The following MALRD1 variants were observed in gnomAD, a reference collection of about 807,000 sequenced individuals.
MALRD1 encodes MAM and LDL receptor class A domain containing 1, also known as MAM and LDL-receptor class A domain-containing protein 1.
MALRD1 carries 247 observed loss-of-function variants against 242.1 expected under a neutral mutation model. That is an observed-to-expected ratio of 1.02 (90% CI 0.92 to 1.13). MALRD1 has a LOEUF of 1.13. Ranked by LOEUF, MALRD1 falls within the 50% of genes most tolerant of loss-of-function variation. The probability of loss-of-function intolerance (pLI) is 0.00; values close to 1 mark genes in which losing one functional copy is unlikely to be tolerated. For missense variants in MALRD1, 2,989 were observed against 2,533.1 expected, an observed-to-expected ratio of 1.18 and a Z score of -3.86; for synonymous variants, 995 against 866.6, an observed-to-expected ratio of 1.15 and a Z score of -2.60.
intron 26 of MALRD1, among the ~76,000 whole-genome samples, chr10:19,352,977 G>C (rs1453614200): frequency 3.3e-5 from 5 of 152,030 alleles, no homozygotes; most frequent in Non-Finnish European, 7.4e-5. Context: ...AATTTTCTTA[G>C]CCAGTGATAT....
intron 31 of MALRD1, among the ~76,000 whole-genome samples, chr10:19,530,198 A>G (rs1293207057): frequency 2.0e-5 from 3 of 150,884 alleles, no homozygotes; most frequent in African/African-American, 7.3e-5. Flanking sequence ...TGGGAGAGGT[A>G]TGAGGACACA....
At chr10:19,070,495 C>T (rs1327301620) in intron 2 of MALRD1, among the ~76,000 whole-genome samples, 1 of 152,020 alleles carries the variant, frequency 6.6e-6, no homozygotes, top group Non-Finnish European at 1.5e-5. Context: ...TCAGGGATTG[C>T]CTGCATTGTA....
chr10:19,331,688 C>T, intron 24 of MALRD1, 106 bp downstream of exon 24: 1 of 841,062 alleles, frequency 1.2e-6, no homozygotes, highest in Non-Finnish European at 1.9e-6. Context: ...ATCTCAACAC[C>T]AGGGGAAGGT....
In MALRD1 at chr10:19,341,524, G is replaced by GTA. The variant is rs750457234; in HGVS notation, c.3902-6238_3902-6237dup. ...TATGTATATATATGTGTGTATATAT[G>GTA]TATATATATACACACATATATATAC... is the stretch of plus-strand genomic sequence containing the variant. On this transcript the variant is annotated intron_variant, in intron 24 of 39. Transcript: ENST00000454679. 1.7e-4 allele frequency among the ~76,000 whole-genome samples: 24 copies of GTA among 138,854 alleles called. 1 individual carries two copies. Among genetic ancestry groups the GTA allele is most frequent in the South Asian group, 2.3e-4 (1 of 4,420 alleles). 91.1% of individuals were successfully genotyped at this position (138,854 alleles called of 152,430 possible). A position where few individuals can be genotyped will look rare whatever the true frequency, so the allele number is the denominator to read the frequency against.
intron 24 of MALRD1, among the ~76,000 whole-genome samples, chr10:19,334,005 G>T (rs557180190): frequency 6.6e-6 from 1 of 151,178 alleles, no homozygotes; most frequent in African/African-American, 2.4e-5. Context: ...TTTTTTGATT[G>T]CTGAATTGAC....
At chr10:19,239,191 T>A (rs1430457101) in intron 18 of MALRD1, among the ~76,000 whole-genome samples, 1 of 152,000 alleles carries the variant, frequency 6.6e-6, no homozygotes, top group African/African-American at 2.4e-5. Flanking sequence ...GCTGAGTAGC[T>A]GGGGTTACAG....
intron 28 of MALRD1, among the ~76,000 whole-genome samples, chr10:19,444,593 C>G (rs1049709950): frequency 1.3e-5 from 2 of 152,064 alleles, no homozygotes; most frequent in African/African-American, 4.8e-5. Flanking sequence ...ATATGAAATT[C>G]TGGGTTGAAA....
intron 29 of MALRD1, among the ~76,000 whole-genome samples, chr10:19,452,401 T>C (rs1212544115): frequency 6.6e-6 from 1 of 152,236 alleles, no homozygotes; most frequent in East Asian, 1.9e-4. Context: ...TTTAATATCT[T>C]ACGTTTAGTG....
At chr10:19,719,519 G>A (rs73597606) in intron 38 of MALRD1, among the ~76,000 whole-genome samples, 1,795 of 152,012 alleles carry the variant, frequency 0.012, 34 homozygotes, top group African/African-American at 0.041. Flanking sequence ...TTTGTGGTCA[G>A]CATATTTACT....
At chr10:19,154,867 T>G (rs1158865693) in intron 11 of MALRD1, among the ~76,000 whole-genome samples, 1 of 152,232 alleles carries the variant, frequency 6.6e-6, no homozygotes, top group East Asian at 1.9e-4. Context: ...AAGAGCTTGT[T>G]TTAATTGATT....
At chr10:19,688,986 G>T (rs1842710843) in intron 36 of MALRD1, among the ~76,000 whole-genome samples, 1 of 152,168 alleles carries the variant, frequency 6.6e-6, no homozygotes, top group African/African-American at 2.4e-5. Flanking sequence ...ATACACTGGG[G>T]TGAAGAGGAA....
intron 38 of MALRD1, among the ~76,000 whole-genome samples, chr10:19,698,687 AC>A: frequency 6.6e-6 from 1 of 152,188 alleles, no homozygotes; most frequent in Non-Finnish European, 1.5e-5. Context: ...TGCCTAGAAA[AC>A]AGGTGCAAAA....
At chr10:19,140,526 G>GGGGGGTGT (rs1554796538) in intron 10 of MALRD1, among the ~76,000 whole-genome samples, 1 of 111,504 alleles carries the variant, frequency 9.0e-6, no homozygotes, top group Non-Finnish European at 2.0e-5. Context: ...AAACAAGTGG[G>GGGGGGTGT]GTGTGTGTGT....
rs1347683679 is a variant in MALRD1 at position 19,324,145 on chromosome 10, A to T, written c.3576+40A>T. On this transcript the variant is annotated intron_variant, in intron 22 of 39. Transcript: ENST00000454679. The stretch of plus-strand genomic sequence containing the variant: ...ATCACATTTTCTGAATTTTCTCTCT[A>T]AAAGTTCACAGTGCATAATTTGGTA... The T allele has an allele frequency of 3.3e-6, 5 of 1,529,920 alleles. No individual in the cohort carries two copies. In the East Asian group the frequency reaches 1.2e-4, roughly 38 times the overall value. 94.8% of individuals were successfully genotyped at this position (1,529,920 alleles called of 1,614,324 possible). A position where few individuals can be genotyped will look rare whatever the true frequency, so the allele number is the denominator to read the frequency against.
chr10:19,466,905 C>T (rs569517256), intron 29 of MALRD1, among the ~76,000 whole-genome samples: 8 of 152,138 alleles, frequency 5.3e-5, no homozygotes, highest in East Asian at 3.9e-4. Context: ...GTCATAACTC[C>T]GTGCTGAAAA....
In MALRD1 at chr10:19,376,542, C is replaced by CATTTT. The variant is rs1554842468; in HGVS notation, c.4442-10986_4442-10985insATTTT. On this transcript the variant is annotated intron_variant, in intron 26 of 39. Coordinates refer to ENST00000454679, the MANE Select transcript of MALRD1 (RefSeq NM_001142308.3). The stretch of plus-strand genomic sequence containing the variant: ...TTGAAAGTCAAGGAGTTGATACATT[C>CATTTT]TTTTTTTTTTTTTTTTTTTTTTTTT... Among the ~76,000 whole-genome samples the CATTTT allele has an allele frequency of 6.6e-4, 63 of 94,988 alleles. 14 individuals are homozygous for CATTTT. Among genetic ancestry groups the CATTTT allele is most frequent in the African/African-American group, 1.3e-3 (33 of 25,270 alleles). 62.3% of individuals were successfully genotyped at this position (94,988 alleles called of 152,430 possible). A position where few individuals can be genotyped will look rare whatever the true frequency, so the allele number is the denominator to read the frequency against.
At chr10:19,340,550 CT>C (rs1190480028) in intron 24 of MALRD1, among the ~76,000 whole-genome samples, 1 of 152,000 alleles carries the variant, frequency 6.6e-6, no homozygotes, top group Non-Finnish European at 1.5e-5. Flanking sequence ...TGTCATGCGT[CT>C]AAATATTTCA....
At chr10:19,719,776 G>A (rs912986303) in intron 38 of MALRD1, among the ~76,000 whole-genome samples, 4 of 151,762 alleles carry the variant, frequency 2.6e-5, no homozygotes, top group Admixed American at 1.3e-4. Context: ...GACATTTCTC[G>A]TTAATGTATC....
intron 11 of MALRD1, among the ~76,000 whole-genome samples, chr10:19,154,132 A>G (rs891262077): frequency 6.6e-6 from 1 of 152,148 alleles, no homozygotes; most frequent in Non-Finnish European, 1.5e-5. Flanking sequence ...GGGGACAGTA[A>G]TCTTTATCTT....
Sources: allele counts gnomAD v4.1 joint callset (sites outside exome capture counted in the v4.1 genomes callset), GRCh38; gene constraint gnomAD v4.1.1; transcripts MANE v1.5; gene names NCBI Gene and HGNC (gene_info 2026-07-23, HGNC 2026-07-21).